Variants in BLTP1 observed in about 807,000 individuals in gnomAD.
BLTP1 encodes bridge-like lipid transfer protein family member 1.
chr4:122,207,230 A>G, the BLTP1 span: 5 of 1,611,554 alleles, frequency 3.1e-6, no homozygotes, highest in Admixed American at 3.3e-5. Flanking sequence ...AATCAACACA[A>G]TTGGATCGAC....
chr4:122,211,529 A>T, the BLTP1 span, among the ~76,000 whole-genome samples: 1 of 152,210 alleles, frequency 6.6e-6, no homozygotes, highest in Admixed American at 6.5e-5. Context: ...ACAACGTTTT[A>T]TGATAATGAA....
At chr4:122,354,266 T>C in the BLTP1 span, among the ~76,000 whole-genome samples, 3 of 152,210 alleles carry the variant, frequency 2.0e-5, no homozygotes, top group African/African-American at 7.2e-5. Flanking sequence ...AAATTAAGTT[T>C]ATTACATTGA....
At chr4:122,213,354 CTATA>C in the BLTP1 span, among the ~76,000 whole-genome samples, 1 of 151,938 alleles carries the variant, frequency 6.6e-6, no homozygotes, top group Non-Finnish European at 1.5e-5. Context: ...GTTTGTTTAA[CTATA>C]TAATGTGTAT....
At chr4:122,234,909 T>C in the BLTP1 span, 8 of 1,614,010 alleles carry the variant, frequency 5.0e-6, no homozygotes, top group East Asian at 1.8e-4. Flanking sequence ...GTTGACACCT[T>C]CCAGTAGCTC....
chr4:122,241,699 T>C, the BLTP1 span, among the ~76,000 whole-genome samples: 2 of 152,232 alleles, frequency 1.3e-5, no homozygotes, highest in African/African-American at 4.8e-5. Flanking sequence ...TGTACTGTTT[T>C]CTTATCTTGC....
chr4:122,190,039 G>C, the BLTP1 span: 1 of 1,613,252 alleles, frequency 6.2e-7, no homozygotes, highest in Admixed American at 1.7e-5. Flanking sequence ...TGGTGATGCA[G>C]TCAAATGATG....
chr4:122,198,043 A>G, the BLTP1 span: 2 of 985,004 alleles, frequency 2.0e-6, no homozygotes, highest in Non-Finnish European at 2.4e-6. Flanking sequence ...ATTTTTGTGT[A>G]ATTCTTAGCT....
At chr4:122,280,680 A>C in the BLTP1 span, among the ~76,000 whole-genome samples, 5,350 of 151,708 alleles carry the variant, frequency 0.035, 332 homozygotes, top group African/African-American at 0.12. Flanking sequence ...AAAAAAAAAA[A>C]AACAACCATG....
chr4:122,174,058 A>G, the BLTP1 span: 4 of 247,940 alleles, frequency 1.6e-5, no homozygotes, highest in African/African-American at 2.3e-5. Context: ...AGGAGGGTGT[A>G]TTAGGAAGCT....
chr4:122,239,580 C>G, the BLTP1 span: 1 of 1,613,934 alleles, frequency 6.2e-7, no homozygotes, highest in Non-Finnish European at 8.5e-7. Flanking sequence ...GTCAGTAGGT[C>G]AATCTCCTCT....
the BLTP1 span, among the ~76,000 whole-genome samples, chr4:122,168,252 A>G: frequency 4.2e-3 from 642 of 152,232 alleles, 2 homozygotes; most frequent in African/African-American, 0.014. Flanking sequence ...CTCTTCCCAC[A>G]TTCTTTTTCA....
the BLTP1 span, chr4:122,214,435 G>C: frequency 4.1e-6 from 4 of 969,284 alleles, no homozygotes; most frequent in Non-Finnish European, 3.7e-6. Flanking sequence ...TTATTTTAAA[G>C]ATAGTTTAAG....
chr4:122,247,970 G>C, the BLTP1 span: 34 of 985,194 alleles, frequency 3.5e-5, no homozygotes, highest in Non-Finnish European at 4.1e-5. Context: ...TGAGATGATT[G>C]CTCTGCTGAA....
At chr4:122,330,322 G>T in the BLTP1 span, among the ~76,000 whole-genome samples, 3 of 151,732 alleles carry the variant, frequency 2.0e-5, no homozygotes, top group Non-Finnish European at 4.4e-5. Context: ...CCTAGCAGCT[G>T]CTCTGTTTTG....
At chr4:122,347,704 A>G in the BLTP1 span, 60,991 of 1,613,632 alleles carry the variant, frequency 0.038, 1,596 homozygotes, top group East Asian at 0.13. Flanking sequence ...GTCACCAGGG[A>G]CAGTAGGACA....
At chr4:122,271,770 A>AT in the BLTP1 span, 5 of 1,233,464 alleles carry the variant, frequency 4.1e-6, no homozygotes, top group African/African-American at 1.5e-5. Flanking sequence ...TACAATAACA[A>AT]TAATACCAAA....
At chr4:122,227,999 C>T in the BLTP1 span, among the ~76,000 whole-genome samples, 7,539 of 151,434 alleles carry the variant, frequency 0.05, 264 homozygotes, top group Non-Finnish European at 0.074. Flanking sequence ...CTGCAAACTC[C>T]GCCTCCTGGG....
the BLTP1 span, chr4:122,222,978 T>C: frequency 1.0e-6 from 1 of 959,424 alleles, no homozygotes; most frequent in Admixed American, 6.2e-5. Flanking sequence ...ATTTTGAGAT[T>C]AAAAAATTTC....
At chr4:122,249,122 C>T in the BLTP1 span, 1 of 835,734 alleles carries the variant, frequency 1.2e-6, no homozygotes, top group Non-Finnish European at 1.4e-6. Context: ...TAATGTTTTT[C>T]CTAAGGCTTG....
Sources: allele counts gnomAD v4.1 joint callset (sites outside exome capture counted in the v4.1 genomes callset), GRCh38; gene constraint gnomAD v4.1.1; transcripts MANE v1.5; gene names NCBI Gene and HGNC (gene_info 2026-07-23, HGNC 2026-07-21).